MCAM: variants seen among roughly 807,000 people sequenced by gnomAD.
The protein encoded by MCAM is cell surface glycoprotein MUC18.
A neutral mutation model predicts 79.1 loss-of-function variants in MCAM; 55 were observed. The observed-to-expected ratio is 0.70, with a 90% CI of 0.56 to 0.87. MCAM has a LOEUF of 0.87. Ranked by LOEUF, MCAM falls within the 40% of genes least tolerant of loss-of-function variation. The pLI is 0.00. For synonymous variants in MCAM, 330 were observed against 339.8 expected (o/e 0.97, Z 0.32); for missense variants, 745 against 839.8 (o/e 0.89, Z 1.40).
intron 15 of MCAM, 190 bp downstream of exon 15, chr11:119,310,159 C>T (rs2135334811): frequency 1.6e-6 from 1 of 627,422 alleles, no homozygotes; most frequent in Non-Finnish European, 2.8e-6. Flanking sequence ...CAGGGTCTTT[C>T]TCAGTCTTCC....
intron 13 of MCAM, 48 bp from the exon 14 acceptor site, chr11:119,310,951 G>A (rs553214634): frequency 4.2e-5 from 67 of 1,613,832 alleles, no homozygotes; most frequent in Admixed American, 5.0e-5. Context: ...AGGCCACTTC[G>A]TCACCATCGT....
At position 119,311,453 on chromosome 11, in the gene MCAM, A is replaced by T. The variant is rs760511773; in HGVS notation, c.1408-32T>A. 3.1e-6 allele frequency: 5 copies of T among 1,613,432 alleles called. No homozygotes were observed. Among genetic ancestry groups the T allele is most frequent in the Non-Finnish European group, 2.5e-6 (3 of 1,179,586 alleles). On this transcript the variant is annotated intron_variant, in intron 11 of 15. Transcript: ENST00000264036. This position sits in a 1 kb window ranked among gnomAD's most constrained non-coding sequence, Gnocchi z 4.4. ...GGAAAGGAAGGAGGCAGCTCAGGGG[A>T]TGGGGAGGATCTCTGGTCCTGGCCA...
rs1472853622 is a variant in MCAM, at chr11:119,315,963, T to A, written c.68-700A>T. On this transcript the variant is annotated intron_variant, in intron 1 of 15. Coordinates refer to ENST00000264036, the MANE Select transcript of MCAM (RefSeq NM_006500.3). The surrounding 1 kb of genome is among the most constrained non-coding windows in gnomAD (Gnocchi z 4.4). The stretch of plus-strand genomic sequence containing the variant: ...CACTCGACACCATCTGCCTGGGCTC[T>A]GGGATGCCTGGGTTGTTACCTTGGC... 1 of 152,638 alleles carries A rather than the reference T, an allele frequency of 6.6e-6. No homozygotes were observed. Among genetic ancestry groups the A allele is most frequent in the East Asian group, 1.9e-4 (1 of 5,192 alleles). 9.5% of individuals were successfully genotyped at this position (152,638 alleles called of 1,614,324 possible).
chr11:119,312,237 C>G lies in MCAM; in HGVS notation c.1024+29G>C, dbSNP rs548366890. 5 of 1,612,858 alleles carry G rather than the reference C, an allele frequency of 3.1e-6. No homozygotes were observed. The South Asian group carries it at 5.5e-5, about 18-fold the overall frequency. ...CAGTTCCCTATTGCCCCAGCCTGGTCCCCCTGTCCTGGGTCCCCAGCCCCT... is the reference window on the plus strand; with the variant it reads ...CAGTTCCCTATTGCCCCAGCCTGGTGCCCCTGTCCTGGGTCCCCAGCCCCT... On this transcript the variant is annotated intron_variant, in intron 8 of 15. Transcript: ENST00000264036. The surrounding 1 kb of genome is among the most constrained non-coding windows in gnomAD (Gnocchi z 4.9).
rs1330553906 is a variant in MCAM, at chr11:119,312,673, T to C, written c.740-25A>G. 1 of 1,613,872 alleles carries C rather than the reference T, an allele frequency of 6.2e-7. No homozygotes were observed. Among genetic ancestry groups the C allele is most frequent in the Non-Finnish European group, 8.5e-7 (1 of 1,180,022 alleles). ...TCTGCATAGGCAAAGGGGGTAGCTC[T>C]TGGCCCATGAGTCAACCCTGGGCTG... is the stretch of plus-strand genomic sequence containing the variant. On this transcript the variant is annotated intron_variant, in intron 6 of 15. Transcript: ENST00000264036. This position sits in a 1 kb window ranked among gnomAD's most constrained non-coding sequence, Gnocchi z 4.9.
rs1231136620 is a variant in MCAM, at chr11:119,316,484, A to T, written c.67+551T>A. ...TGATCCCATCACTCGGGGAGGCGCG[A>T]GGCGACCCACACCGCCCCGCAACCC... On this transcript the variant is annotated intron_variant, in intron 1 of 15. Transcript: ENST00000264036. This position sits in a 1 kb window ranked among gnomAD's most constrained non-coding sequence, Gnocchi z 4.8. The T allele has an allele frequency of 3.3e-5, 5 of 153,510 alleles. No individual in the cohort carries two copies. Among genetic ancestry groups the T allele is most frequent in the Admixed American group, 2.6e-4 (4 of 15,376 alleles). 9.5% of individuals were successfully genotyped at this position (153,510 alleles called of 1,614,324 possible).
chr11:119,315,008 ACGGAAGATGAG>A lies in MCAM; in HGVS notation c.214_224del (p.Leu72CysfsTer78). 1.2e-6 allele frequency: 2 copies of A among 1,609,116 alleles called. No homozygotes were observed. Among genetic ancestry groups the A allele is most frequent in the Non-Finnish European group, 1.7e-6 (2 of 1,179,970 alleles). ...CGCTCTGGCCCTGGCCCTGGCGCACACGGAAGATGAGCGTCCGCTTCTCCTTGTGGACCTAA... is the reference window on the plus strand; with the variant it reads ...CGCTCTGGCCCTGGCCCTGGCGCACACGTCCGCTTCTCCTTGTGGACCTAA... On this transcript the variant is annotated frameshift_variant, in exon 3 of 16. Transcript: ENST00000264036. LOFTEE classifies it high-confidence loss of function. The surrounding 1 kb of genome is among the most constrained non-coding windows in gnomAD (Gnocchi z 4.4).
Position 119,309,893 on chromosome 11 carries a change from C to T in MCAM, c.1934G>A (p.Arg645Lys), listed in dbSNP as rs1950202191. Reference protein sequence around the residue: ...GDQGEKYIDLRH With the variant: ...GDQGEKYIDLKH ...AGCTGAAGTGATTCGGGGCTAATGC[C>T]TCAGATCGATGTATTTCTCTCCCTA... Residue 645 changes from arginine to lysine, a missense_variant, in exon 16 of 16, where the codon AGG becomes AAG. Transcript: ENST00000264036. 17 of 1,601,110 alleles carry T rather than the reference C, an allele frequency of 1.1e-5. No individual in the cohort carries two copies. In the East Asian group the frequency reaches 3.8e-4, roughly 36 times the overall value.
chr11:119,309,954 G>A (rs370137689), intron 15 of MCAM, 39 bp from the exon 16 acceptor site: 91 of 1,559,532 alleles, frequency 5.8e-5, no homozygotes, highest in Admixed American at 2.1e-4. Flanking sequence ...ACACGGAGAC[G>A]GTGCTGAGTT....
chr11:119,310,122 G>A (rs931427167), intron 15 of MCAM: 9 of 625,746 alleles, frequency 1.4e-5, no homozygotes, highest in Non-Finnish European at 1.7e-5. Context: ...CAGAGCCACG[G>A]GCATTGGTCA....
At position 119,317,116 on chromosome 11, in the gene MCAM, G is replaced by A; in HGVS notation, c.-15C>T. ...GGAAGCCCCATGCTTCCCGGCCGGAGGGCGAGAGCCAAGTGAGCAGCTCGA... is the reference window on the plus strand; with the variant it reads ...GGAAGCCCCATGCTTCCCGGCCGGAAGGCGAGAGCCAAGTGAGCAGCTCGA... On this transcript the variant is annotated 5_prime_UTR_variant, in exon 1 of 16. Coordinates refer to ENST00000264036, the MANE Select transcript of MCAM (RefSeq NM_006500.3). The surrounding 1 kb of genome is among the most constrained non-coding windows in gnomAD (Gnocchi z 6.2). The A allele has an allele frequency of 1.3e-6, 2 of 1,520,926 alleles. No individual in the cohort carries two copies. The highest frequency in any genetic ancestry group is 2.4e-5 in the South Asian group (2 of 82,462). 94.2% of individuals were successfully genotyped at this position (1,520,926 alleles called of 1,614,324 possible).
intron 15 of MCAM, 47 bp from the exon 16 acceptor site, chr11:119,309,962 G>C (rs1343673903): frequency 1.3e-6 from 2 of 1,503,076 alleles, no homozygotes; most frequent in Non-Finnish European, 1.8e-6. Context: ...ACGGTGCTGA[G>C]TTGAAGGTGT....
rs1042078549 is a variant in MCAM, at chr11:119,316,681, C to T, written c.67+354G>A. 3.4e-5 allele frequency: 8 copies of T among 232,636 alleles called. No individual in the cohort carries two copies. Among genetic ancestry groups the T allele is most frequent in the African/African-American group, 1.6e-4 (7 of 43,918 alleles). 14.4% of individuals were successfully genotyped at this position (232,636 alleles called of 1,614,324 possible). ...GCGCGGAATTCAGGCTTTGAGGATGCGCCCCAGCTGCGCCTCCTGCCCGGC... is the reference window on the plus strand; with the variant it reads ...GCGCGGAATTCAGGCTTTGAGGATGTGCCCCAGCTGCGCCTCCTGCCCGGC... On this transcript the variant is annotated intron_variant, in intron 1 of 15. Coordinates refer to ENST00000264036, the MANE Select transcript of MCAM (RefSeq NM_006500.3). The surrounding 1 kb of genome is among the most constrained non-coding windows in gnomAD (Gnocchi z 4.8).
intron 5 of MCAM, chr11:119,313,451 G>A: frequency 1.5e-6 from 1 of 678,746 alleles, no homozygotes; most frequent in South Asian, 1.9e-5. Context: ...AGGCTGGAGT[G>A]CAGTGGTACA....
In MCAM at chr11:119,315,696, T is replaced by C. The variant is rs2135347280; in HGVS notation, c.68-433A>G. ...AGGGGAAGACACCACTGCTCTATCC[T>C]CTGCCCTCCAAAATCCCTGCCCTCA... is the stretch of plus-strand genomic sequence containing the variant. On this transcript the variant is annotated intron_variant, in intron 1 of 15. Transcript: ENST00000264036. The surrounding 1 kb of genome is among the most constrained non-coding windows in gnomAD (Gnocchi z 4.4). 1 of 184,300 alleles carries C rather than the reference T, an allele frequency of 5.4e-6. No homozygotes were observed. Among genetic ancestry groups the C allele is most frequent in the Non-Finnish European group, 1.2e-5 (1 of 85,958 alleles). 11.4% of individuals were successfully genotyped at this position (184,300 alleles called of 1,614,324 possible).
Position 119,311,984 on chromosome 11 carries a change from G to C in MCAM, c.1144-35C>G. 1 of 1,611,904 alleles carries C rather than the reference G, an allele frequency of 6.2e-7. No individual in the cohort carries two copies. On this transcript the variant is annotated intron_variant, in intron 9 of 15. Transcript: ENST00000264036. The surrounding 1 kb of genome is among the most constrained non-coding windows in gnomAD (Gnocchi z 4.4). ...GAGATGGGTCAGAGGGTCTGGGAAA[G>C]AGCACATTCTTGTCACCGCCAGCCC...
chr11:119,317,078 G>A lies in MCAM; in HGVS notation c.24C>T (p.Cys8=). Residue 8 remains cysteine, a synonymous_variant, in exon 1 of 16, where the codon TGC becomes TGT. Transcript: ENST00000264036. This position sits in a 1 kb window ranked among gnomAD's most constrained non-coding sequence, Gnocchi z 6.2. MGLPRLV[C]AFLLAACCCC... ...AGCAGCAGGCGGCGAGCAAGAAGGCGCAGACCAGCCTGGGAAGCCCCATGC... is the reference window on the plus strand; with the variant it reads ...AGCAGCAGGCGGCGAGCAAGAAGGCACAGACCAGCCTGGGAAGCCCCATGC... 2.6e-6 allele frequency: 4 copies of A among 1,534,274 alleles called. No individual in the cohort carries two copies. Among genetic ancestry groups the A allele is most frequent in the South Asian group, 1.2e-5 (1 of 83,496 alleles).
In MCAM at chr11:119,315,094, G is replaced by A. The variant is rs1950293097; in HGVS notation, c.192+45C>T. 1.2e-6 allele frequency: 2 copies of A among 1,611,934 alleles called. No individual in the cohort carries two copies. ...AGGGTCCTGGGCTACAAGAGGGGCA[G>A]AGTCTCCCTCCCCGGGCTGCTCTTG... On this transcript the variant is annotated intron_variant, in intron 2 of 15. Coordinates refer to ENST00000264036, the MANE Select transcript of MCAM (RefSeq NM_006500.3). This position sits in a 1 kb window ranked among gnomAD's most constrained non-coding sequence, Gnocchi z 4.4.
Position 119,315,464 on chromosome 11 carries a change from G to T in MCAM, c.68-201C>A. 1 of 618,030 alleles carries T rather than the reference G, an allele frequency of 1.6e-6. No individual in the cohort carries two copies. The highest frequency in any genetic ancestry group is 2.8e-6 in the Non-Finnish European group (1 of 357,124). 38.3% of individuals were successfully genotyped at this position (618,030 alleles called of 1,614,324 possible). A position where few individuals can be genotyped will look rare whatever the true frequency, so the allele number is the denominator to read the frequency against. On this transcript the variant is annotated intron_variant, in intron 1 of 15. Transcript: ENST00000264036. The surrounding 1 kb of genome is among the most constrained non-coding windows in gnomAD (Gnocchi z 4.4). ...CCCGTCCAGGAGATCCCAGGTCCTT[G>T]GAGCCAAGCAGAGATTGAGCAGAGA...
Sources: allele counts gnomAD v4.1 joint callset, GRCh38; gene constraint gnomAD v4.1.1; non-coding constraint Gnocchi (gnomAD v3.1); transcripts MANE v1.5; gene names NCBI Gene and HGNC (gene_info 2026-07-23, HGNC 2026-07-21).